The following COG5 variants were observed in gnomAD, a reference collection of about 807,000 sequenced individuals.
COG5 encodes the protein component of oligomeric golgi complex 5, also known as conserved oligomeric Golgi complex subunit 5.
A neutral mutation model predicts 110.4 loss-of-function variants in COG5; 86 were observed. The ratio of observed to expected loss-of-function variants is 0.78; its 90% confidence interval spans 0.65 to 0.93. COG5 has a LOEUF of 0.93. Ranked by LOEUF, COG5 falls within the 40% of genes least tolerant of loss-of-function variation. The probability of loss-of-function intolerance (pLI) is 0.00; values close to 1 mark genes in which losing one functional copy is unlikely to be tolerated. For missense variants in COG5, 1,077 were observed against 987.0 expected (o/e 1.09, Z -1.22); for synonymous variants, 360 against 334.6 (o/e 1.08, Z -0.83).
intron 6 of COG5, among the ~76,000 whole-genome samples, chr7:107,428,065 A>G (rs1793771904): frequency 6.6e-6 from 1 of 152,200 alleles, no homozygotes; most frequent in African/African-American, 2.4e-5. Context: ...ACAGTATAAA[A>G]AACCAATTAG....
At position 107,230,635 on chromosome 7, in the gene COG5, A is replaced by T. The variant is rs1294634689; in HGVS notation, c.2148T>A (p.Tyr716Ter). Residue 716 changes from tyrosine (Y) to a stop codon, truncating the protein, a stop_gained, in exon 19 of 22, where the codon TAT becomes TAA. Coordinates refer to ENST00000297135, the MANE Select transcript of COG5 (RefSeq NM_006348.5). LOFTEE classifies it high-confidence loss of function. ...CTTACCTGAATGATCTCAGCATCCG[A>T]TAGGACTTTCCTAAATCAGATACTC... is the stretch of plus-strand genomic sequence containing the variant. ...CRRVSDLGKS[Y>*]RMLRSFRPLL... is the part of the protein sequence containing the mutation. The T allele has an allele frequency of 1.2e-6, 2 of 1,613,176 alleles. No homozygotes were observed. Among genetic ancestry groups the T allele is most frequent in the Non-Finnish European group, 1.7e-6 (2 of 1,179,178 alleles).
At chr7:107,508,378 C>T (rs1037830280) in intron 6 of COG5, among the ~76,000 whole-genome samples, 1 of 152,218 alleles carries the variant, frequency 6.6e-6, no homozygotes, top group East Asian at 1.9e-4. Context: ...ACAAAGCAGC[C>T]CCGAAGCTCC....
intron 12 of COG5, 31 bp downstream of exon 12, chr7:107,298,111 C>T (rs537797794): frequency 2.5e-5 from 28 of 1,135,054 alleles, no homozygotes; most frequent in African/African-American, 2.2e-4. Context: ...AATTAAGATG[C>T]CAACTAACAG....
intron 6 of COG5, chr7:107,475,174 C>T (rs747733578): frequency 6.2e-7 from 1 of 1,609,856 alleles, no homozygotes; most frequent in African/African-American, 1.3e-5. Flanking sequence ...ATTCACTAGA[C>T]AAAAATTTCA....
chr7:107,267,698 G>A (rs1033361508), intron 14 of COG5, among the ~76,000 whole-genome samples: 5 of 152,060 alleles, frequency 3.3e-5, no homozygotes, highest in African/African-American at 9.7e-5. Flanking sequence ...GAGGGATACA[G>A]AATAACTAAA....
rs530323655 is a variant in COG5, at chr7:107,414,703, C to CTTTTTTTTTT, written c.539-2081_539-2072dup. 7.8e-4 allele frequency among the ~76,000 whole-genome samples: 48 copies of CTTTTTTTTTT among 61,710 alleles called. 6 individuals are homozygous for CTTTTTTTTTT. The highest frequency in any genetic ancestry group is 1.3e-3 in the South Asian group (2 of 1,584). 40.5% of individuals were successfully genotyped at this position (61,710 alleles called of 152,430 possible). ...ATTGATTCCAAAATCCTCACTGTCCCTTTTTTTTTTTTTTTTTTTTTTTTT... is the reference window on the plus strand; with the variant it reads ...ATTGATTCCAAAATCCTCACTGTCCCTTTTTTTTTTTTTTTTTTTTTTTTTTTTTTTTTTT... On this transcript the variant is annotated intron_variant, in intron 6 of 21. Coordinates refer to ENST00000297135, the MANE Select transcript of COG5 (RefSeq NM_006348.5).
chr7:107,542,318 CA>C (rs1168899122), intron 5 of COG5, among the ~76,000 whole-genome samples: 1 of 152,136 alleles, frequency 6.6e-6, no homozygotes, highest in Non-Finnish European at 1.5e-5. Flanking sequence ...AACAAAACCA[CA>C]ACAAGATACC....
At chr7:107,479,588 A>C (rs886757777) in intron 6 of COG5, among the ~76,000 whole-genome samples, 11 of 152,270 alleles carry the variant, frequency 7.2e-5, no homozygotes, top group African/African-American at 2.6e-4. Context: ...AAGAGACTGA[A>C]GAATTAAAAA....
At chr7:107,494,745 C>T (rs936171613) in intron 6 of COG5, among the ~76,000 whole-genome samples, 1 of 152,140 alleles carries the variant, frequency 6.6e-6, no homozygotes, top group Admixed American at 6.6e-5. Flanking sequence ...GAAAGATTTA[C>T]TTTTAATTAT....
chr7:107,467,080 T>C (rs1796334942), intron 6 of COG5, among the ~76,000 whole-genome samples: 1 of 152,154 alleles, frequency 6.6e-6, no homozygotes, highest in Admixed American at 6.6e-5. Context: ...AACAAATACA[T>C]AAAATTAGTT....
Position 107,284,786 on chromosome 7 carries a change from T to C in COG5, c.1314-1054A>G, listed in dbSNP as rs371876117. On this transcript the variant is annotated intron_variant, in intron 12 of 21. Coordinates refer to ENST00000297135, the MANE Select transcript of COG5 (RefSeq NM_006348.5). ...TACTATCAAATGTCTATAACCATTA[T>C]TTTCATGTTTCCTTACTCCTATAAT... is the stretch of plus-strand genomic sequence containing the variant. Among the ~76,000 whole-genome samples, 12 of 152,336 alleles carry C rather than the reference T, an allele frequency of 7.9e-5. 1 individual carries two copies. In the East Asian group the frequency reaches 1.2e-3, roughly 15 times the overall value.
chr7:107,477,864 G>A (rs756807338), intron 6 of COG5, among the ~76,000 whole-genome samples: 2 of 151,694 alleles, frequency 1.3e-5, no homozygotes, highest in Non-Finnish European at 3.0e-5. Flanking sequence ...TTTTCTTTAC[G>A]TTGGTCTTCA....
chr7:107,472,580 T>C (rs906888801), intron 6 of COG5: 7 of 151,980 alleles, frequency 4.6e-5, no homozygotes, highest in African/African-American at 1.7e-4. Context: ...TTCAGAAAAT[T>C]TGGCACACTT....
chr7:107,233,734 T>G (rs531755491), intron 18 of COG5, among the ~76,000 whole-genome samples: 1 of 152,124 alleles, frequency 6.6e-6, no homozygotes, highest in Admixed American at 6.6e-5. Flanking sequence ...TGAATATGAA[T>G]TGATAGAACT....
At position 107,203,428 on chromosome 7, in the gene COG5, A is replaced by G. The variant is rs1798504773; in HGVS notation, c.*88T>C. ...CAATCAATTACATTCTTAAAATAGT[A>G]GATAGTAGCAGTCTTTTGGAGTATG... is the stretch of plus-strand genomic sequence containing the variant. On this transcript the variant is annotated 3_prime_UTR_variant, in exon 22 of 22. Transcript: ENST00000297135. 3 of 846,988 alleles carry G rather than the reference A, an allele frequency of 3.5e-6. No individual in the cohort carries two copies. The highest frequency in any genetic ancestry group is 6.2e-6 in the Non-Finnish European group (3 of 484,876). 52.5% of individuals were successfully genotyped at this position (846,988 alleles called of 1,614,324 possible). A position where few individuals can be genotyped will look rare whatever the true frequency, so the allele number is the denominator to read the frequency against.
chr7:107,481,825 C>T (rs1445157677), intron 6 of COG5, among the ~76,000 whole-genome samples: 1 of 152,130 alleles, frequency 6.6e-6, no homozygotes, highest in Non-Finnish European at 1.5e-5. Flanking sequence ...CTTAAATGCA[C>T]ACAATACAAT....
chr7:107,397,924 G>GA (rs995434081), intron 7 of COG5, among the ~76,000 whole-genome samples: 1 of 148,148 alleles, frequency 6.8e-6, no homozygotes, highest in African/African-American at 2.5e-5. Context: ...TTAAATGAAA[G>GA]AAAAAAAAAG....
chr7:107,514,306 T>C (rs1010929436), intron 6 of COG5, among the ~76,000 whole-genome samples: 6 of 149,724 alleles, frequency 4.0e-5, no homozygotes, highest in Non-Finnish European at 8.9e-5. Flanking sequence ...AAAATACATT[T>C]TCTATATAAA....
At chr7:107,443,016 A>T (rs1041521376) in intron 6 of COG5, among the ~76,000 whole-genome samples, 1 of 152,206 alleles carries the variant, frequency 6.6e-6, no homozygotes, top group African/African-American at 2.4e-5. Flanking sequence ...AGGATGTTAT[A>T]TCTCTCAAAT....
Sources: allele counts gnomAD v4.1 joint callset (sites outside exome capture counted in the v4.1 genomes callset), GRCh38; gene constraint gnomAD v4.1.1; transcripts MANE v1.5; gene names NCBI Gene and HGNC (gene_info 2026-07-23, HGNC 2026-07-21).